CTTNBP2: variants seen among roughly 807,000 people sequenced by gnomAD.
CTTNBP2 encodes cortactin binding protein 2.
In CTTNBP2, 108 loss-of-function variants were observed where a neutral mutation model predicts 156.9. The ratio of observed to expected loss-of-function variants is 0.69; its 90% CI spans 0.59 to 0.81. The LOEUF is 0.81. Among genes scored for constraint, CTTNBP2 ranks in the 30% least tolerant of loss-of-function variants. The probability of loss-of-function intolerance (pLI) is 0.00; values close to 1 mark genes in which losing one functional copy is unlikely to be tolerated. For missense variants in CTTNBP2, 1,924 were observed against 2,035.4 expected (o/e 0.95, Z 1.05); for synonymous variants, 767 against 751.8 (o/e 1.02, Z -0.33).
chr7:117,873,338 C>A lies in CTTNBP2; in HGVS notation c.78G>T (p.Ala26=), dbSNP rs1804761065. Residue 26 remains alanine, a synonymous_variant, in exon 1 of 23, where the codon GCG becomes GCT. Coordinates refer to ENST00000160373, the MANE Select transcript of CTTNBP2 (RefSeq NM_033427.3). ...CCCGCCCCGGGAACTCGGTTACCGC[C>A]GCCTCCGCCGCGGCCCCCGCCGCGT... ...PEDAAGAAAE[A]AKKEFDVDTL... The A allele has an allele frequency of 2.1e-6, 3 of 1,445,466 alleles. No homozygotes were observed. Among genetic ancestry groups the A allele is most frequent in the Non-Finnish European group, 2.7e-6 (3 of 1,103,510 alleles). The allele number at this position is 1,445,466 out of a possible 1,614,324, so 89.5% of individuals were successfully genotyped here.
intron 3 of CTTNBP2, among the ~76,000 whole-genome samples, chr7:117,800,377 T>C (rs1799544782): frequency 6.6e-6 from 1 of 152,052 alleles, no homozygotes; most frequent in Admixed American, 6.6e-5. Context: ...TGCAGGAACC[T>C]TTTTATGTGG....
chr7:117,786,505 T>G (rs1014248410), intron 4 of CTTNBP2: 1 of 383,930 alleles, frequency 2.6e-6, no homozygotes, highest in African/African-American at 2.2e-5. Flanking sequence ...AACAGAGAAA[T>G]TATAAACACG....
chr7:117,767,195 T>C lies in CTTNBP2; in HGVS notation c.2779-19A>G, dbSNP rs775475501. The C allele has an allele frequency of 5.2e-6, 7 of 1,335,066 alleles. No homozygotes were observed. The South Asian group carries it at 8.2e-5, about 16-fold the overall frequency. The allele number at this position is 1,335,066 out of a possible 1,614,324, so 82.7% of individuals were successfully genotyped here. ...GGCAGTTCTATAAAGACAAGAGCTC[T>C]ATTACCTCCAAGTCCAAATGAATTA... is the stretch of plus-strand genomic sequence containing the variant. On this transcript the variant is annotated intron_variant, in intron 8 of 22. Coordinates refer to ENST00000160373, the MANE Select transcript of CTTNBP2 (RefSeq NM_033427.3).
intron 1 of CTTNBP2, among the ~76,000 whole-genome samples, chr7:117,863,664 A>T (rs760641831): frequency 2.0e-5 from 3 of 152,240 alleles, no homozygotes; most frequent in Non-Finnish European, 2.9e-5. Flanking sequence ...CATCTGTATA[A>T]TGGAATTCCT....
intron 12 of CTTNBP2, chr7:117,755,414 C>A (rs551924550): frequency 6.1e-6 from 2 of 327,450 alleles, no homozygotes; most frequent in South Asian, 2.5e-5. Flanking sequence ...AAAAGGTCAT[C>A]GAAATTAAGG....
At chr7:117,755,618 T>C (rs1302012883) in intron 12 of CTTNBP2, 5 of 460,902 alleles carry the variant, frequency 1.1e-5, no homozygotes, top group Non-Finnish European at 1.8e-5. Flanking sequence ...TTTTGAAGAA[T>C]AAATAAAATA....
intron 1 of CTTNBP2, chr7:117,871,813 ACACACC>A (rs1402882484): frequency 2.4e-5 from 9 of 378,464 alleles, no homozygotes; most frequent in Admixed American, 8.1e-5. Flanking sequence ...ACACACACAC[ACACACC>A]CTCTTTCTTT....
intron 2 of CTTNBP2, among the ~76,000 whole-genome samples, chr7:117,841,106 TA>T (rs1802245641): frequency 6.6e-6 from 1 of 152,222 alleles, no homozygotes; most frequent in African/African-American, 2.4e-5. Flanking sequence ...AAAAAAGCAC[TA>T]TATTTTCCAA....
At chr7:117,839,772 A>G (rs1291043346) in intron 2 of CTTNBP2, among the ~76,000 whole-genome samples, 2 of 152,088 alleles carry the variant, frequency 1.3e-5, no homozygotes, top group Non-Finnish European at 2.9e-5. Flanking sequence ...TCCCTACTTT[A>G]GCTTTATTAT....
intron 2 of CTTNBP2, among the ~76,000 whole-genome samples, chr7:117,835,039 T>C (rs2117098567): frequency 6.6e-6 from 1 of 152,294 alleles, no homozygotes; most frequent in Admixed American, 6.5e-5. Flanking sequence ...ATTGCCAGCG[T>C]CAATAAAAGC....
chr7:117,783,974 G>C (rs1798565397), intron 5 of CTTNBP2, among the ~76,000 whole-genome samples: 1 of 151,922 alleles, frequency 6.6e-6, no homozygotes. Flanking sequence ...TCATATATCA[G>C]GTATTTCTAA....
chr7:117,751,916 A>G (rs948751092), intron 12 of CTTNBP2, among the ~76,000 whole-genome samples: 1 of 152,040 alleles, frequency 6.6e-6, no homozygotes, highest in Non-Finnish European at 1.5e-5. Flanking sequence ...CTCTTCCACT[A>G]TTGCTGTGGA....
intron 2 of CTTNBP2, among the ~76,000 whole-genome samples, chr7:117,832,189 A>C (rs1801652071): frequency 6.6e-6 from 1 of 152,010 alleles, no homozygotes; most frequent in Non-Finnish European, 1.5e-5. Flanking sequence ...CCCTGCCCAC[A>C]GCTAGTCAGT....
intron 1 of CTTNBP2, among the ~76,000 whole-genome samples, chr7:117,867,533 TC>T (rs1761773860): frequency 6.6e-6 from 1 of 151,746 alleles, no homozygotes; most frequent in African/African-American, 2.4e-5. Context: ...TCCAACATGC[TC>T]CCCCTGCCCC....
chr7:117,870,006 G>A (rs933666124), intron 1 of CTTNBP2, among the ~76,000 whole-genome samples: 3 of 152,064 alleles, frequency 2.0e-5, no homozygotes, highest in African/African-American at 7.2e-5. Context: ...TTGCAGTGCC[G>A]GTCCAAATCC....
chr7:117,767,042 C>G lies in CTTNBP2; in HGVS notation c.2896+17G>C. On this transcript the variant is annotated intron_variant, in intron 9 of 22. Coordinates refer to ENST00000160373, the MANE Select transcript of CTTNBP2 (RefSeq NM_033427.3). ...GCATAGGGGAAAGATAAACAATAAGCTCTGAACATCACTCACTCAGATTCT... is the reference window on the plus strand; with the variant it reads ...GCATAGGGGAAAGATAAACAATAAGGTCTGAACATCACTCACTCAGATTCT... 2.3e-6 allele frequency: 3 copies of G among 1,314,178 alleles called. No homozygotes were observed. Among genetic ancestry groups the G allele is most frequent in the Non-Finnish European group, 2.2e-6 (2 of 906,006 alleles). The allele number at this position is 1,314,178 out of a possible 1,614,324, so 81.4% of individuals were successfully genotyped here.
rs1423587228 is a variant in CTTNBP2 at position 117,719,677 on chromosome 7, A to C, written c.4512-41T>G. 1.0e-5 allele frequency: 16 copies of C among 1,570,274 alleles called. 1 individual carries two copies. The highest frequency in any genetic ancestry group is 1.4e-5 in the Non-Finnish European group (16 of 1,153,062). On this transcript the variant is annotated intron_variant, in intron 20 of 22. Coordinates refer to ENST00000160373, the MANE Select transcript of CTTNBP2 (RefSeq NM_033427.3). Reference sequence around the variant, plus strand: ...GAAAAACGTTTTTCAAAGTGAGAACAATTCCCAATTTGGAAATCTAGACAC... The same window carrying C: ...GAAAAACGTTTTTCAAAGTGAGAACCATTCCCAATTTGGAAATCTAGACAC...
At position 117,711,384 on chromosome 7, in the gene CTTNBP2, C is replaced by T. The variant is rs1284193786; in HGVS notation, c.*153G>A. 5 of 779,738 alleles carry T rather than the reference C, an allele frequency of 6.4e-6. No homozygotes were observed. The highest frequency in any genetic ancestry group is 3.6e-5 in the African/African-American group (2 of 56,016). The allele number at this position is 779,738 out of a possible 1,614,324, so 48.3% of individuals were successfully genotyped here. Reference sequence around the variant, plus strand: ...AGCAACAAAATGTTGGTTATAAATACATTCTTTACAAAAAAAAATTGAATA... The same window carrying T: ...AGCAACAAAATGTTGGTTATAAATATATTCTTTACAAAAAAAAATTGAATA... On this transcript the variant is annotated 3_prime_UTR_variant, in exon 23 of 23. Transcript: ENST00000160373.
chr7:117,844,056 G>C (rs1471661734), intron 2 of CTTNBP2, among the ~76,000 whole-genome samples: 1 of 152,070 alleles, frequency 6.6e-6, no homozygotes, highest in African/African-American at 2.4e-5. Context: ...AACGAAGAGA[G>C]AGAGAGACAG....
Sources: allele counts gnomAD v4.1 joint callset (sites outside exome capture counted in the v4.1 genomes callset), GRCh38; gene constraint gnomAD v4.1.1; transcripts MANE v1.5; gene names NCBI Gene and HGNC (gene_info 2026-07-23, HGNC 2026-07-21).